The following ZNF385D variants were observed in gnomAD, a reference collection of about 807,000 sequenced individuals.
ZNF385D encodes the protein zinc finger protein 659.
In ZNF385D, 15 loss-of-function variants were observed where a neutral mutation model predicts 35.8. The ratio of observed to expected loss-of-function variants is 0.42; its 90% CI spans 0.28 to 0.64. ZNF385D has a LOEUF of 0.64. ZNF385D is among the 30% of genes least tolerant of loss of function. ZNF385D has a pLI of 0.23. For missense variants in ZNF385D, 474 were observed against 494.6 expected, an observed-to-expected ratio of 0.96 and a Z score of 0.39; for synonymous variants, 212 against 186.8, an observed-to-expected ratio of 1.13 and a Z score of -1.10.
intron 2 of ZNF385D, among the ~76,000 whole-genome samples, chr3:22,208,214 A>C (rs1023672495): frequency 2.6e-5 from 4 of 151,968 alleles, no homozygotes; most frequent in African/African-American, 9.7e-5. Flanking sequence ...TCAAATGGAG[A>C]AAGAAAATGT....
intron 2 of ZNF385D, among the ~76,000 whole-genome samples, chr3:21,633,765 C>G (rs900462779): frequency 7.9e-5 from 12 of 152,160 alleles, no homozygotes; most frequent in Middle Eastern, 3.4e-3. Context: ...ATAAAACTGC[C>G]TATTTCCTCT....
chr3:21,754,139 T>C (rs758276627), upstream of ZNF385D, among the ~76,000 whole-genome samples: 7 of 152,206 alleles, frequency 4.6e-5, no homozygotes, highest in African/African-American at 1.7e-4. Flanking sequence ...ATGAACATGG[T>C]AGTACACACA....
chr3:21,703,528 C>G (rs759890769), intron 1 of ZNF385D, among the ~76,000 whole-genome samples: 1 of 152,048 alleles, frequency 6.6e-6, no homozygotes, highest in Non-Finnish European at 1.5e-5. Context: ...TGTAAATAAC[C>G]CCTCTATTAA....
At chr3:21,939,068 T>C (rs1326696740) in intron 3 of ZNF385D, among the ~76,000 whole-genome samples, 1 of 152,118 alleles carries the variant, frequency 6.6e-6, no homozygotes, top group African/African-American at 2.4e-5. Context: ...TAATTTTCCA[T>C]GCTGGCAACT....
chr3:22,205,990 T>C (rs1697124972), intron 2 of ZNF385D, among the ~76,000 whole-genome samples: 1 of 151,628 alleles, frequency 6.6e-6, no homozygotes, highest in South Asian at 2.1e-4. Flanking sequence ...AAGACCCAAC[T>C]CAAATCTTGC....
At chr3:21,989,034 C>G (rs1032418790) in intron 3 of ZNF385D, among the ~76,000 whole-genome samples, 2 of 152,128 alleles carry the variant, frequency 1.3e-5, no homozygotes, top group Non-Finnish European at 2.9e-5. Context: ...CGCGCACCCA[C>G]TGGCCTGTGC....
intron 3 of ZNF385D, among the ~76,000 whole-genome samples, chr3:22,033,907 T>C (rs6766614): frequency 6.6e-6 from 1 of 151,928 alleles, no homozygotes; most frequent in Non-Finnish European, 1.5e-5. Flanking sequence ...CTTCACCCAG[T>C]ACTTTCCTTG....
intron 3 of ZNF385D, among the ~76,000 whole-genome samples, chr3:21,541,305 T>G (rs911310524): frequency 2.6e-5 from 4 of 152,140 alleles, no homozygotes; most frequent in Non-Finnish European, 5.9e-5. Flanking sequence ...GCTACACAGA[T>G]TTGGGGGCAG....
chr3:22,011,035 C>T (rs1696538574), intron 3 of ZNF385D, among the ~76,000 whole-genome samples: 1 of 152,046 alleles, frequency 6.6e-6, no homozygotes, highest in Non-Finnish European at 1.5e-5. Flanking sequence ...GCCAATATAA[C>T]TCATTAAAGA....
chr3:21,933,488 G>T (rs187140362), intron 3 of ZNF385D, among the ~76,000 whole-genome samples: 1 of 152,168 alleles, frequency 6.6e-6, no homozygotes, highest in Non-Finnish European at 1.5e-5. Context: ...TGTGAAAAAG[G>T]CCAATGCTTC....
Position 21,695,107 on chromosome 3 carries a change from T to A in ZNF385D, c.23-30079A>T, listed in dbSNP as rs1030755076. On this transcript the variant is annotated intron_variant, in intron 1 of 7. Transcript: ENST00000281523. ...AAGTGCCTGAAACATAGGAGTTGTG[T>A]ATAAATGAACATATATTTGCCATCA... Among the ~76,000 whole-genome samples the A allele has an allele frequency of 3.3e-5, 5 of 152,156 alleles. No homozygotes were observed. The South Asian group carries it at 1.0e-3, about 32-fold the overall frequency.
intron 1 of ZNF385D, among the ~76,000 whole-genome samples, chr3:21,733,934 G>T (rs1210671282): frequency 2.0e-5 from 3 of 151,606 alleles, no homozygotes; most frequent in African/African-American, 7.3e-5. Flanking sequence ...GTCCTAATAT[G>T]GTTTTCATAT....
intron 3 of ZNF385D, among the ~76,000 whole-genome samples, chr3:21,549,220 T>C (rs963936436): frequency 1.3e-5 from 2 of 152,184 alleles, no homozygotes; most frequent in African/African-American, 4.8e-5. Context: ...CCTCATTTCA[T>C]CCTCAGATGA....
At position 21,946,058 on chromosome 3, in the gene ZNF385D, C is replaced by T. The variant is rs540132998; in HGVS notation, c.325+222759G>A. 2.2e-4 allele frequency among the ~76,000 whole-genome samples: 34 copies of T among 152,194 alleles called. No individual in the cohort carries two copies. The East Asian group carries it at 5.6e-3, about 25-fold the overall frequency. ...TGGCAAACTAGCTGATTTAGCTGAC[C>T]GCTGCTCAGGTCATGGATCAATTCA... On this transcript the variant is annotated intron_variant, in intron 3 of 5. Transcript: ENST00000494108.
chr3:21,628,999 C>T (rs2065208717), intron 2 of ZNF385D, among the ~76,000 whole-genome samples: 1 of 151,948 alleles, frequency 6.6e-6, no homozygotes, highest in African/African-American at 2.4e-5. Context: ...CAATTTTTTA[C>T]AAAAGAAAAT....
chr3:21,816,603 G>C (rs549793686), intron 3 of ZNF385D, among the ~76,000 whole-genome samples: 1 of 152,030 alleles, frequency 6.6e-6, no homozygotes, highest in Non-Finnish European at 1.5e-5. Context: ...AGGAGAATAA[G>C]ATACCTAGGA....
chr3:21,687,844 A>T (rs2067156328), intron 1 of ZNF385D, among the ~76,000 whole-genome samples: 1 of 152,212 alleles, frequency 6.6e-6, no homozygotes, highest in Admixed American at 6.5e-5. Flanking sequence ...GAATAGCTGA[A>T]TGGCTTAATA....
chr3:22,035,205 G>C (rs1698242152), intron 3 of ZNF385D, among the ~76,000 whole-genome samples: 1 of 152,124 alleles, frequency 6.6e-6, no homozygotes, highest in Admixed American at 6.5e-5. Context: ...AAAAATAACT[G>C]GGTTCAATAC....
In ZNF385D at chr3:22,301,278, T is replaced by A. The variant is rs182188060; in HGVS notation, c.106+71172A>T. Among the ~76,000 whole-genome samples the A allele has an allele frequency of 1.3e-4, 19 of 151,766 alleles. 1 individual carries two copies. The East Asian group carries it at 3.5e-3, about 28-fold the overall frequency. ...AAAATGGTGGTTACAAGGATTGGAGTTTGGGGTGGAGCCAAAGGTTTGGGA... is the reference window on the plus strand; with the variant it reads ...AAAATGGTGGTTACAAGGATTGGAGATTGGGGTGGAGCCAAAGGTTTGGGA... On this transcript the variant is annotated intron_variant, in intron 2 of 5. Coordinates refer to the ZNF385D transcript ENST00000494108.
Sources: allele counts gnomAD v4.1 joint callset (sites outside exome capture counted in the v4.1 genomes callset), GRCh38; gene constraint gnomAD v4.1.1; transcripts MANE v1.5; gene names NCBI Gene and HGNC (gene_info 2026-07-23, HGNC 2026-07-21).